The following HS6ST3 variants were observed in gnomAD, a reference collection of about 807,000 sequenced individuals.
The protein encoded by HS6ST3 is heparan-sulfate 6-O-sulfotransferase 3.
HS6ST3 carries 12 observed loss-of-function variants against 36.7 expected under a neutral mutation model. The observed-to-expected ratio is 0.33, with a 90% CI of 0.21 to 0.53. HS6ST3 has a LOEUF of 0.53. Among genes scored for constraint, HS6ST3 ranks in the 20% least tolerant of loss-of-function variants. The pLI is 0.95. For synonymous variants in HS6ST3, 240 were observed against 257.5 expected (o/e 0.93, Z 0.65); for missense variants, 584 against 640.9 (o/e 0.91, Z 0.96).
chr13:96,718,654 A>T (rs372758848), intron 1 of HS6ST3, among the ~76,000 whole-genome samples: 2 of 152,250 alleles, frequency 1.3e-5, no homozygotes, highest in Admixed American at 1.3e-4. Flanking sequence ...TAAGTTTTAT[A>T]TAAAGTGAGA....
chr13:96,145,794 A>G (rs948518564), intron 1 of HS6ST3, among the ~76,000 whole-genome samples: 33 of 152,304 alleles, frequency 2.2e-4, no homozygotes, highest in South Asian at 8.3e-4. Context: ...TAGGTCTAAC[A>G]TATAAGTCTT....
intron 1 of HS6ST3, among the ~76,000 whole-genome samples, chr13:96,095,604 C>A (rs978483721): frequency 6.6e-6 from 1 of 152,200 alleles, no homozygotes; most frequent in Non-Finnish European, 1.5e-5. Context: ...TGGGGTCTTT[C>A]TTCCCATACT....
chr13:96,278,375 T>C (rs1260708489), intron 1 of HS6ST3, among the ~76,000 whole-genome samples: 2 of 152,206 alleles, frequency 1.3e-5, no homozygotes, highest in Non-Finnish European at 2.9e-5. Flanking sequence ...GATTTTGCTA[T>C]GATTATCTCA....
intron 1 of HS6ST3, among the ~76,000 whole-genome samples, chr13:96,124,371 A>G (rs940644307): frequency 2.1e-4 from 32 of 152,256 alleles, no homozygotes; most frequent in African/African-American, 5.8e-4. Context: ...TCATTTAGCC[A>G]TGCTTCTTTG....
chr13:96,531,352 C>G (rs2056134757), intron 1 of HS6ST3, among the ~76,000 whole-genome samples: 1 of 152,112 alleles, frequency 6.6e-6, no homozygotes, highest in South Asian at 2.1e-4. Context: ...CCATATTTTA[C>G]AGATGTTCAT....
At chr13:96,194,675 A>G (rs1453680223) in intron 1 of HS6ST3, among the ~76,000 whole-genome samples, 1 of 152,064 alleles carries the variant, frequency 6.6e-6, no homozygotes, top group African/African-American at 2.4e-5. Context: ...TAGTTACCAT[A>G]CTGTACATTT....
chr13:96,545,250 G>C (rs1436970324), intron 1 of HS6ST3, among the ~76,000 whole-genome samples: 1 of 152,070 alleles, frequency 6.6e-6, no homozygotes, highest in African/African-American at 2.4e-5. Context: ...TCAGCTTATT[G>C]TGCTCATGTT....
intron 1 of HS6ST3, among the ~76,000 whole-genome samples, chr13:96,783,981 A>G (rs1031512713): frequency 2.0e-5 from 3 of 152,160 alleles, no homozygotes; most frequent in Admixed American, 2.0e-4. Context: ...AGCAGAGGAC[A>G]TGAGGTCCTG....
intron 1 of HS6ST3, among the ~76,000 whole-genome samples, chr13:96,333,022 T>A (rs773418964): frequency 6.6e-6 from 1 of 152,224 alleles, no homozygotes; most frequent in Non-Finnish European, 1.5e-5. Flanking sequence ...CCAAATTTAC[T>A]GGCACCTTGC....
intron 1 of HS6ST3, among the ~76,000 whole-genome samples, chr13:96,269,371 G>A (rs1272075312): frequency 6.6e-6 from 1 of 151,954 alleles, no homozygotes; most frequent in Non-Finnish European, 1.5e-5. Flanking sequence ...AATTAGTGTT[G>A]AATTATGTGA....
At chr13:96,347,191 C>A (rs182936019) in intron 1 of HS6ST3, among the ~76,000 whole-genome samples, 1 of 152,078 alleles carries the variant, frequency 6.6e-6, no homozygotes, top group African/African-American at 2.4e-5. Context: ...GATAATAAGC[C>A]GGAACTGTTT....
At chr13:96,813,576 T>C (rs1878363601) in intron 1 of HS6ST3, among the ~76,000 whole-genome samples, 1 of 152,198 alleles carries the variant, frequency 6.6e-6, no homozygotes, top group South Asian at 2.1e-4. Flanking sequence ...AATGAGGAAA[T>C]TCTTGCGTCT....
At chr13:96,176,610 G>A (rs2054213698) in intron 1 of HS6ST3, among the ~76,000 whole-genome samples, 1 of 152,018 alleles carries the variant, frequency 6.6e-6, no homozygotes, top group Admixed American at 6.6e-5. Flanking sequence ...AAGAAATATG[G>A]ACAATAGTGG....
chr13:96,112,893 C>T (rs1368290223), intron 1 of HS6ST3, among the ~76,000 whole-genome samples: 7 of 151,880 alleles, frequency 4.6e-5, no homozygotes, highest in Non-Finnish European at 1.0e-4. Flanking sequence ...ACACACATTC[C>T]ATGGTAAGAT....
chr13:96,091,058 G>A lies in HS6ST3; in HGVS notation c.196G>A (p.Glu66Lys), dbSNP rs1354906269. The A allele has an allele frequency of 1.6e-6, 2 of 1,269,632 alleles. No homozygotes were observed. Among genetic ancestry groups the A allele is most frequent in the Non-Finnish European group, 2.0e-6 (2 of 1,010,740 alleles). The allele number at this position is 1,269,632 out of a possible 1,614,324, so 78.6% of individuals were successfully genotyped here. A position where few individuals can be genotyped will look rare whatever the true frequency, so the allele number is the denominator to read the frequency against. Reference protein sequence around the residue: ...RRAQAPPEEWERRPQLPPPPR... With the variant: ...RRAQAPPEEWKRRPQLPPPPR... ...GGCTCAGGCGCCGCCGGAGGAGTGG[G>A]AGCGGCGGCCCCAGTTGCCCCCGCC... Residue 66 changes from glutamate to lysine, a missense_variant, in exon 1 of 2, where the codon GAG (glutamate) becomes AAG (lysine). By Grantham distance (56) the Glu-to-Lys change is moderately conservative. Coordinates refer to ENST00000376705, the MANE Select transcript of HS6ST3 (RefSeq NM_153456.4).
At chr13:96,301,832 C>T (rs544029992) in intron 1 of HS6ST3, among the ~76,000 whole-genome samples, 145 of 150,162 alleles carry the variant, frequency 9.7e-4, no homozygotes, top group Non-Finnish European at 1.5e-3. Flanking sequence ...ACCCAGGAGG[C>T]GGACGTTGCA....
At chr13:96,123,585 T>C (rs1280254867) in intron 1 of HS6ST3, among the ~76,000 whole-genome samples, 1 of 152,206 alleles carries the variant, frequency 6.6e-6, no homozygotes, top group South Asian at 2.1e-4. Context: ...TCTGTCACTC[T>C]TAGAGAGCAA....
intron 1 of HS6ST3, among the ~76,000 whole-genome samples, chr13:96,154,295 T>A (rs1184077688): frequency 6.6e-6 from 1 of 152,136 alleles, no homozygotes; most frequent in East Asian, 1.9e-4. Flanking sequence ...ATAATTAATT[T>A]ATCTTTAATT....
At position 96,177,066 on chromosome 13, in the gene HS6ST3, T is replaced by C. The variant is rs562620604; in HGVS notation, c.707+85497T>C. 5.3e-5 allele frequency among the ~76,000 whole-genome samples: 8 copies of C among 152,190 alleles called. No individual in the cohort carries two copies. The East Asian group carries it at 1.4e-3, about 26-fold the overall frequency. ...AGAGAAATGCAAATCAAAACCACAATGAGATACCATCTCATGCCAGTCAGA... is the reference window on the plus strand; with the variant it reads ...AGAGAAATGCAAATCAAAACCACAACGAGATACCATCTCATGCCAGTCAGA... On this transcript the variant is annotated intron_variant, in intron 1 of 1. Transcript: ENST00000376705.
Sources: gnomAD v4.1 joint callset for allele counts (sites outside exome capture counted in the v4.1 genomes callset) on GRCh38, gnomAD v4.1.1 for gene constraint, MANE v1.5 for transcripts, NCBI Gene and HGNC (gene_info 2026-07-23, HGNC 2026-07-21) for gene names.